The following LAMA1 variants were observed in gnomAD, a reference collection of about 807,000 sequenced individuals.
LAMA1 encodes the protein laminin subunit alpha-1.
Under a neutral mutation model 348.7 loss-of-function variants are expected in LAMA1, and 219 were observed. The observed-to-expected ratio is 0.63, with a 90% CI of 0.56 to 0.70. The LOEUF is 0.70. Among genes scored for constraint, LAMA1 ranks in the 30% least tolerant of loss-of-function variants. LAMA1 has a pLI of 0.00. For missense variants in LAMA1, 3,744 were observed against 3,888.0 expected, an observed-to-expected ratio of 0.96 and a Z score of 0.99; for synonymous variants, 1,487 against 1,491.0, an observed-to-expected ratio of 1.00 and a Z score of 0.06.
At chr18:7,006,605 T>G (rs1396780071) in intron 29 of LAMA1, among the ~76,000 whole-genome samples, 1 of 152,172 alleles carries the variant, frequency 6.6e-6, no homozygotes, top group East Asian at 1.9e-4. Context: ...CCTAGCTGAT[T>G]TCGTCACGGT....
At chr18:6,947,418 C>A in intron 60 of LAMA1, 122 bp from the exon 61 acceptor site, 5 of 1,153,404 alleles carry the variant, frequency 4.3e-6, no homozygotes, top group Non-Finnish European at 5.1e-6. Context: ...CCAGCTGCAT[C>A]CCCACCAGCA....
In LAMA1 at chr18:7,045,564, A is replaced by T. The variant is rs186459477; in HGVS notation, c.858+714T>A. 8.8e-3 allele frequency among the ~76,000 whole-genome samples: 1,340 copies of T among 152,122 alleles called. 26 individuals carry two copies. Among genetic ancestry groups the T allele is most frequent in the African/African-American group, 0.028 (1,175 of 41,522 alleles). ...AGATAAACTGTTAAATCTTTTTTTT[A>T]AATTTTTTTATTGAGACAGAGTCTC... On this transcript the variant is annotated intron_variant, in intron 6 of 62. Transcript: ENST00000389658.
Position 7,080,362 on chromosome 18 carries a change from C to A in LAMA1, c.157G>T (p.Val53Leu). ...EKGPEMFCKL[V>L]EHVPGRPVRN... ...ACGGGCCGACCTGGCACATGCTCCA[C>A]AAGTTTGCAGAACATCTCCGGCCCC... The change falls in exon 2 of 63, where the codon GTG becomes TTG. Residue 53 changes from valine to leucine, a missense_variant. By Grantham distance (32) the Val-to-Leu change is conservative. Coordinates refer to ENST00000389658, the MANE Select transcript of LAMA1 (RefSeq NM_005559.4). 1 of 1,614,268 alleles carries A rather than the reference C, an allele frequency of 6.2e-7. No homozygotes were observed. The highest frequency in any genetic ancestry group is 8.5e-7 in the Non-Finnish European group (1 of 1,180,052).
chr18:7,055,878 G>A (rs534293932), intron 3 of LAMA1, among the ~76,000 whole-genome samples: 278 of 151,902 alleles, frequency 1.8e-3, no homozygotes, highest in Middle Eastern at 3.4e-3. Context: ...TCAGGAGATC[G>A]AGACCATCCT....
Position 6,993,691 on chromosome 18 carries a change from T to C in LAMA1, c.4958A>G (p.Glu1653Gly), listed in dbSNP as rs766860255. 6.2e-7 allele frequency: 1 copy of C among 1,614,132 alleles called. No homozygotes were observed. The highest frequency in any genetic ancestry group is 8.5e-7 in the Non-Finnish European group (1 of 1,179,972). The stretch of plus-strand genomic sequence containing the variant: ...AATGGCTATGGCCAGGTCTTGACTC[T>C]CCTTGAAGATTCTCTCAGTTGCCCT... The part of the protein sequence containing the change: ...VNRATERIFK[E>G]SQDLAIAIER... The change falls in exon 35 of 63, where the codon GAG (glutamate) becomes GGG (glycine). Residue 1653 changes from glutamate (E) to glycine (G), a missense_variant. Transcript: ENST00000389658.
At chr18:6,962,115 T>G in intron 51 of LAMA1, 56 bp from the exon 52 acceptor site, 1 of 1,257,080 alleles carries the variant, frequency 8.0e-7, no homozygotes, top group African/African-American at 1.5e-5. Flanking sequence ...ATTCCATTTT[T>G]GAAAGAAGGA....
chr18:7,031,969 T>C (rs926936625), intron 16 of LAMA1, 97 bp downstream of exon 16: 3 of 873,370 alleles, frequency 3.4e-6, no homozygotes, highest in Non-Finnish European at 3.7e-6. Flanking sequence ...GCTAGGGTTA[T>C]TCCGTGGAGG....
In LAMA1 at chr18:7,042,424, CA is replaced by C. The variant is rs1263762274; in HGVS notation, c.1156-175del. On this transcript the variant is annotated intron_variant, in intron 8 of 62. Transcript: ENST00000389658. ...TAAGATGATCCCAAGCCAGGAAGCC[CA>C]AACATCTTTTTGATGGTGGCAGTAG... 5.0e-6 allele frequency: 3 copies of C among 595,654 alleles called. No homozygotes were observed. The African/African-American group carries it at 5.6e-5, about 11-fold the overall frequency. The allele number at this position is 595,654 out of a possible 1,614,324, so 36.9% of individuals were successfully genotyped here. A position where few individuals can be genotyped will look rare whatever the true frequency, so the allele number is the denominator to read the frequency against.
rs370235290 is a variant in LAMA1, at chr18:7,009,258, G to T, written c.3982C>A (p.Gln1328Lys). The T allele has an allele frequency of 3.1e-5, 50 of 1,614,038 alleles. No homozygotes were observed. The African/African-American group carries it at 5.3e-4, about 17-fold the overall frequency. The change falls in exon 27 of 63, where the codon CAA (glutamine) becomes AAA (lysine). Residue 1328 changes from glutamine (Q) to lysine (K), a missense_variant. Coordinates refer to ENST00000389658, the MANE Select transcript of LAMA1 (RefSeq NM_005559.4). Reference protein sequence around the residue: ...EYILIKASYGQGLQQSRISDI... With the variant: ...EYILIKASYGKGLQQSRISDI... Reference sequence around the variant, plus strand: ...AAGTACCTGCTCTGCTGTAATCCTTGACCATACGATGCCTTGATGAGGATG... The same window carrying T: ...AAGTACCTGCTCTGCTGTAATCCTTTACCATACGATGCCTTGATGAGGATG...
At chr18:7,020,789 A>C (rs1030137152) in intron 19 of LAMA1, among the ~76,000 whole-genome samples, 2 of 152,126 alleles carry the variant, frequency 1.3e-5, no homozygotes, top group Admixed American at 1.3e-4. Context: ...TGCTTACCAG[A>C]AAGATTCATT....
intron 1 of LAMA1, among the ~76,000 whole-genome samples, chr18:7,114,608 A>G (rs1420441942): frequency 6.6e-6 from 1 of 152,228 alleles, no homozygotes; most frequent in Non-Finnish European, 1.5e-5. Context: ...CCTTTCAGGT[A>G]GGCACTATTA....
chr18:7,075,484 T>C (rs1193835492), intron 3 of LAMA1, among the ~76,000 whole-genome samples: 1 of 151,322 alleles, frequency 6.6e-6, no homozygotes, highest in African/African-American at 2.4e-5. Flanking sequence ...TAGCCGGGCA[T>C]GGTGGTGCAT....
chr18:7,078,952 A>T (rs2058182025), intron 3 of LAMA1, among the ~76,000 whole-genome samples: 1 of 152,132 alleles, frequency 6.6e-6, no homozygotes, highest in Non-Finnish European at 1.5e-5. Context: ...GCGCCACTGC[A>T]CTCCAGCCTG....
At chr18:6,948,325 C>T in intron 60 of LAMA1, 78 bp downstream of exon 60, 1 of 1,581,242 alleles carries the variant, frequency 6.3e-7, no homozygotes, top group South Asian at 1.1e-5. Context: ...TGGGTCCTGT[C>T]TTATACTCTT....
chr18:7,042,128 G>A lies in LAMA1; in HGVS notation c.1261+17C>T. 6.5e-7 allele frequency: 1 copy of A among 1,538,278 alleles called. No homozygotes were observed. The highest frequency in any genetic ancestry group is 9.0e-7 in the Non-Finnish European group (1 of 1,114,502). On this transcript the variant is annotated intron_variant, in intron 9 of 62. Transcript: ENST00000389658. Reference sequence around the variant, plus strand: ...CACAAAATCAATTACAAGCACAAAAGTGAATCAAGTACTTACCATTGTGTA... The same window carrying A: ...CACAAAATCAATTACAAGCACAAAAATGAATCAAGTACTTACCATTGTGTA...
intron 30 of LAMA1, 61 bp downstream of exon 30, chr18:7,002,203 A>G: frequency 1.3e-6 from 2 of 1,597,554 alleles, no homozygotes; most frequent in Non-Finnish European, 1.7e-6. Context: ...CTTGAAAATG[A>G]GGCTGAACTG....
chr18:6,954,274 G>A (rs2057563791), intron 57 of LAMA1: 1 of 152,414 alleles, frequency 6.6e-6, no homozygotes, highest in South Asian at 2.1e-4. Flanking sequence ...GCACAGAGAA[G>A]GCGGAATGTT....
intron 49 of LAMA1, 143 bp downstream of exon 49, chr18:6,965,999 ATATAT>A: frequency 1.2e-6 from 1 of 800,948 alleles, no homozygotes; most frequent in South Asian, 1.7e-5. Context: ...TAGCACACAC[ATATAT>A]TAATACTAGC....
At chr18:7,090,399 G>A (rs1012607574) in intron 1 of LAMA1, among the ~76,000 whole-genome samples, 1 of 152,040 alleles carries the variant, frequency 6.6e-6, no homozygotes, top group African/African-American at 2.4e-5. Flanking sequence ...CTAACACCTG[G>A]GAGTATTTTT....
Sources: gnomAD v4.1 joint callset for allele counts (sites outside exome capture counted in the v4.1 genomes callset) on GRCh38, gnomAD v4.1.1 for gene constraint, MANE v1.5 for transcripts, NCBI Gene and HGNC (gene_info 2026-07-23, HGNC 2026-07-21) for gene names.